The following ARMC9 variants were observed in gnomAD, a reference collection of about 807,000 sequenced individuals.
ARMC9 encodes the protein armadillo repeat containing 9, also known as lisH domain-containing protein ARMC9.
Under a neutral mutation model 107.0 loss-of-function variants are expected in ARMC9, and 94 were observed. That is an observed-to-expected ratio of 0.88 (90% CI 0.74 to 1.04). ARMC9 has a LOEUF of 1.04. Ranked by LOEUF, ARMC9 falls within the 50% of genes least tolerant of loss-of-function variation. The pLI, the probability that ARMC9 is intolerant of heterozygous loss-of-function variation, is 0.00. For missense variants in ARMC9, 942 were observed against 1,030.1 expected (o/e 0.91, Z 1.17); for synonymous variants, 380 against 396.9 (o/e 0.96, Z 0.51).
At chr2:231,317,453 G>T (rs2042765269) in intron 19 of ARMC9, among the ~76,000 whole-genome samples, 1 of 152,064 alleles carries the variant, frequency 6.6e-6, no homozygotes, top group Non-Finnish European at 1.5e-5. Flanking sequence ...TTACAGGTGT[G>T]AGCCACTGCA....
Position 231,373,240 on chromosome 2 carries a change from C to T in ARMC9, c.*1705C>T, listed in dbSNP as rs184277884. On this transcript the variant is annotated 3_prime_UTR_variant, in exon 25 of 25. Transcript: ENST00000611582. This position sits in a 1 kb window ranked among gnomAD's most constrained non-coding sequence, Gnocchi z 4.4. Reference sequence around the variant, plus strand: ...TGCAGACAGAGGAAAAGCAGAGGGTCCGCAAAATGCAACTCCTCCGTGGTG... The same window carrying T: ...TGCAGACAGAGGAAAAGCAGAGGGTTCGCAAAATGCAACTCCTCCGTGGTG... 1.4e-4 allele frequency: 21 copies of T among 152,352 alleles called. No homozygotes were observed. The highest frequency in any genetic ancestry group is 4.1e-4 in the African/African-American group (17 of 41,558). The allele number at this position is 152,352 out of a possible 1,614,324, so 9.4% of individuals were successfully genotyped here.
rs979493733 is a variant in ARMC9, at chr2:231,302,756, A to G, written c.1773+6503A>G. On this transcript the variant is annotated intron_variant, in intron 19 of 24. Coordinates refer to ENST00000611582, the MANE Select transcript of ARMC9 (RefSeq NM_001352754.2). ...AGTGGCTCACGCCTGTAATCTCAGC[A>G]CTTTCGGAGCCCCAGGTGGGTGGAT... Among the ~76,000 whole-genome samples the G allele has an allele frequency of 2.6e-5, 4 of 152,286 alleles. No homozygotes were observed. The South Asian group carries it at 8.3e-4, about 32-fold the overall frequency.
intron 7 of ARMC9, among the ~76,000 whole-genome samples, chr2:231,227,250 G>C (rs142581639): frequency 2.6e-5 from 4 of 152,276 alleles, no homozygotes; most frequent in African/African-American, 9.6e-5. Flanking sequence ...AGGAATTCCA[G>C]TCTTCAGTTT....
At chr2:231,292,230 T>C (rs2041061563) in intron 18 of ARMC9, among the ~76,000 whole-genome samples, 1 of 148,680 alleles carries the variant, frequency 6.7e-6, no homozygotes, top group Admixed American at 6.7e-5. Flanking sequence ...AGATTAACAA[T>C]CTCTTATCGT....
At chr2:231,355,777 G>A (rs1315846128) in intron 21 of ARMC9, 21 bp from the exon 22 acceptor site, 17 of 1,521,624 alleles carry the variant, frequency 1.1e-5, no homozygotes, top group Admixed American at 6.0e-5. Context: ...ACTCACTGCC[G>A]TTTTTCATGT....
At chr2:231,332,116 T>C (rs1404693746) in intron 20 of ARMC9, among the ~76,000 whole-genome samples, 2 of 152,140 alleles carry the variant, frequency 1.3e-5, no homozygotes, top group Non-Finnish European at 2.9e-5. Flanking sequence ...TGGGGAAAGA[T>C]ATAACTAGAA....
At position 231,271,048 on chromosome 2, in the gene ARMC9, A is replaced by G. The variant is rs2039286202; in HGVS notation, c.1186A>G (p.Asn396Asp). The G allele has an allele frequency of 6.2e-7, 1 of 1,614,156 alleles. No homozygotes were observed. The highest frequency in any genetic ancestry group is 8.5e-7 in the Non-Finnish European group (1 of 1,180,044). ...VVRQYMARLI[N>D]AFASLAEGRL... ...GCGGCAGTACATGGCCAGGCTCATC[A>G]ATGCTTTTGCGTCACTGGCAGAAGG... Residue 396 changes from asparagine (N) to aspartate (D), a missense_variant, in exon 13 of 25, where the codon AAT (asparagine) becomes GAT (aspartate). Asn to Asp is a conservative substitution (Grantham distance 23). Coordinates refer to ENST00000611582, the MANE Select transcript of ARMC9 (RefSeq NM_001352754.2).
chr2:231,336,538 G>A (rs115387488), intron 20 of ARMC9, among the ~76,000 whole-genome samples: 6,383 of 152,268 alleles, frequency 0.042, 175 homozygotes, highest in African/African-American at 0.064. Context: ...GCTGCGACCC[G>A]TGTGACATAT....
chr2:231,286,532 T>G (rs2040603523), intron 17 of ARMC9, among the ~76,000 whole-genome samples: 1 of 152,240 alleles, frequency 6.6e-6, no homozygotes, highest in South Asian at 2.1e-4. Flanking sequence ...TGGTTGTTGA[T>G]GCACAGAAGA....
At chr2:231,284,887 T>C (rs1437954975) in intron 17 of ARMC9, among the ~76,000 whole-genome samples, 3 of 152,156 alleles carry the variant, frequency 2.0e-5, no homozygotes, top group Non-Finnish European at 4.4e-5. Flanking sequence ...ATTTTCTCAA[T>C]TTTGGTTTGT....
At chr2:231,256,040 AAAAAAAACAAAAAC>A (rs1329658947) in intron 9 of ARMC9, 1 of 1,466,830 alleles carries the variant, frequency 6.8e-7, no homozygotes, top group Non-Finnish European at 9.1e-7. Flanking sequence ...ACTCAGTCTC[AAAAAAAACAAAAAC>A]AAAAAAACCG....
intron 8 of ARMC9, among the ~76,000 whole-genome samples, chr2:231,237,757 A>ATATATATATG (rs1553601888): frequency 2.5e-3 from 63 of 25,684 alleles, no homozygotes; most frequent in African/African-American, 8.1e-3. Flanking sequence ...CTATATGTAT[A>ATATATATATG]TATATATATA....
intron 16 of ARMC9, among the ~76,000 whole-genome samples, chr2:231,279,266 T>C (rs1014755706): frequency 1.8e-4 from 27 of 152,222 alleles, no homozygotes; most frequent in African/African-American, 5.8e-4. Context: ...CCCAAGCACT[T>C]TTTAAATAAA....
intron 9 of ARMC9, among the ~76,000 whole-genome samples, chr2:231,253,204 C>G (rs542414073): frequency 3.9e-5 from 6 of 152,168 alleles, no homozygotes; most frequent in African/African-American, 1.4e-4. Flanking sequence ...AGCTCAGTCT[C>G]CTGTGTTCAA....
chr2:231,310,058 A>G (rs2042248865), intron 19 of ARMC9, among the ~76,000 whole-genome samples: 1 of 152,214 alleles, frequency 6.6e-6, no homozygotes. Context: ...TAGTGGAGTG[A>G]CGAGGACTAC....
At chr2:231,222,576 C>G in intron 5 of ARMC9, 152 bp from the exon 6 acceptor site, 1 of 491,724 alleles carries the variant, frequency 2.0e-6, no homozygotes, top group Non-Finnish European at 3.7e-6. Context: ...GTCAGATGTC[C>G]TAAGACCTGT....
At chr2:231,211,388 G>A (rs181880366) in intron 3 of ARMC9, among the ~76,000 whole-genome samples, 18 of 151,900 alleles carry the variant, frequency 1.2e-4, no homozygotes, top group Non-Finnish European at 2.4e-4. Context: ...AAAAATTAGC[G>A]GGGCATAGTG....
At chr2:231,293,736 A>G (rs751561500) in intron 18 of ARMC9, 9 of 152,212 alleles carry the variant, frequency 5.9e-5, no homozygotes, top group Non-Finnish European at 5.9e-5. Flanking sequence ...AGAGGGCCTA[A>G]AGTATTTATC....
At chr2:231,304,813 G>C (rs138023914) in intron 19 of ARMC9, among the ~76,000 whole-genome samples, 346 of 152,220 alleles carry the variant, frequency 2.3e-3, no homozygotes, top group Non-Finnish European at 4.4e-3. Flanking sequence ...GCAGATATAG[G>C]TTTCTCAAAA....
Sources: allele counts gnomAD v4.1 joint callset (sites outside exome capture counted in the v4.1 genomes callset), GRCh38; gene constraint gnomAD v4.1.1; non-coding constraint Gnocchi (gnomAD v3.1); transcripts MANE v1.5; gene names NCBI Gene and HGNC (gene_info 2026-07-23, HGNC 2026-07-21).